The following AGBL4 variants were observed in gnomAD, a reference collection of about 807,000 sequenced individuals.
The protein encoded by AGBL4 is AGBL carboxypeptidase 4.
AGBL4 carries 58 observed loss-of-function variants against 66.4 expected under a neutral mutation model. That is an observed-to-expected ratio of 0.87 (90% CI 0.71 to 1.09). The LOEUF (loss-of-function observed/expected upper bound fraction) is 1.09. Ranked by LOEUF, AGBL4 falls within the 50% of genes least tolerant of loss-of-function variation. The pLI, the probability that AGBL4 is intolerant of heterozygous loss-of-function variation, is 0.00. For missense variants in AGBL4, 579 were observed against 631.0 expected (o/e 0.92, Z 0.88); for synonymous variants, 234 against 222.9 (o/e 1.05, Z -0.44).
chr1:48,564,157 C>T (rs1325243942), intron 11 of AGBL4, among the ~76,000 whole-genome samples: 3 of 152,110 alleles, frequency 2.0e-5, no homozygotes, highest in African/African-American at 7.2e-5. Context: ...GTTCAGGCCT[C>T]ATGGTCACTT....
chr1:49,263,161 G>C (rs1022073033), intron 3 of AGBL4, among the ~76,000 whole-genome samples: 2 of 151,718 alleles, frequency 1.3e-5, no homozygotes, highest in Non-Finnish European at 2.9e-5. Context: ...GTTGTGGGGT[G>C]GGGGGAGTGG....
intron 5 of AGBL4, among the ~76,000 whole-genome samples, chr1:49,007,836 T>C (rs1404186079): frequency 6.6e-6 from 1 of 151,804 alleles, no homozygotes; most frequent in Non-Finnish European, 1.5e-5. Context: ...CTGAGAGATT[T>C]TGTCACCACC....
chr1:49,455,699 C>A (rs760387595), intron 3 of AGBL4, among the ~76,000 whole-genome samples: 3 of 151,622 alleles, frequency 2.0e-5, no homozygotes, highest in East Asian at 1.9e-4. Context: ...AATCCACATT[C>A]CTTGCTATGG....
chr1:50,009,909 A>G (rs1391038079), intron 1 of AGBL4, among the ~76,000 whole-genome samples: 1 of 152,228 alleles, frequency 6.6e-6, no homozygotes, highest in African/African-American at 2.4e-5. Context: ...ATAGTCACAA[A>G]TGAAATTAAA....
chr1:49,390,799 A>G (rs562135517), intron 3 of AGBL4, among the ~76,000 whole-genome samples: 1 of 152,292 alleles, frequency 6.6e-6, no homozygotes, highest in South Asian at 2.1e-4. Context: ...CTTATTGTCT[A>G]TGACAGAGAC....
chr1:49,403,310 T>G (rs1415726718), intron 3 of AGBL4, among the ~76,000 whole-genome samples: 1 of 152,228 alleles, frequency 6.6e-6, no homozygotes, highest in Non-Finnish European at 1.5e-5. Context: ...TCCTCCTCTT[T>G]TTTGGCATGG....
At chr1:48,648,410 G>A (rs947382166) in intron 8 of AGBL4, among the ~76,000 whole-genome samples, 45 of 152,086 alleles carry the variant, frequency 3.0e-4, no homozygotes, top group African/African-American at 1.1e-3. Flanking sequence ...CCTCTCCCCC[G>A]CGCTTCTACT....
chr1:50,023,807 C>T lies in AGBL4; in HGVS notation c.-11G>A. 6.5e-7 allele frequency: 1 copy of T among 1,549,096 alleles called. No homozygotes were observed. On this transcript the variant is annotated 5_prime_UTR_variant, in exon 1 of 14. Transcript: ENST00000371839. ...GCTCCCCTCCGCCATTTTTGTTGTCCCTCAGTCTCCGAGCTCACGCGAAGA... is the reference window on the plus strand; with the variant it reads ...GCTCCCCTCCGCCATTTTTGTTGTCTCTCAGTCTCCGAGCTCACGCGAAGA...
intron 1 of AGBL4, among the ~76,000 whole-genome samples, chr1:49,886,882 G>T (rs1353491774): frequency 1.3e-5 from 2 of 151,976 alleles, no homozygotes; most frequent in Non-Finnish European, 2.9e-5. Context: ...ACAACATCTG[G>T]CTGGTTTTCC....
At chr1:48,526,437 A>C in the AGBL4 span, among the ~76,000 whole-genome samples, 1 of 152,212 alleles carries the variant, frequency 6.6e-6, no homozygotes, top group Non-Finnish European at 1.5e-5. Flanking sequence ...GCATCAGATC[A>C]TGGAAGACAA....
At chr1:48,823,970 G>GGT (rs3043321) in intron 6 of AGBL4, among the ~76,000 whole-genome samples, 10,712 of 150,782 alleles carry the variant, frequency 0.071, 506 homozygotes, top group East Asian at 0.17. Flanking sequence ...TGGGACAAAA[G>GGT]GTGTGTGTGT....
chr1:49,484,416 C>T (rs1023653897), intron 3 of AGBL4, among the ~76,000 whole-genome samples: 7 of 151,816 alleles, frequency 4.6e-5, no homozygotes, highest in African/African-American at 1.7e-4. Flanking sequence ...ACTATTCAGC[C>T]GTAAAAAAAG....
chr1:49,931,161 T>C (rs1477272780), intron 1 of AGBL4, among the ~76,000 whole-genome samples: 1 of 152,124 alleles, frequency 6.6e-6, no homozygotes, highest in Non-Finnish European at 1.5e-5. Context: ...CAATAGTGTA[T>C]AAATATGAAA....
intron 6 of AGBL4, among the ~76,000 whole-genome samples, chr1:48,838,158 A>G (rs1023189455): frequency 6.6e-6 from 1 of 152,092 alleles, no homozygotes; most frequent in African/African-American, 2.4e-5. Context: ...AAAAATACCA[A>G]TGAAATTCAA....
At chr1:48,631,424 TCTGTC>T (rs2148410616) in intron 9 of AGBL4, among the ~76,000 whole-genome samples, 1 of 152,304 alleles carries the variant, frequency 6.6e-6, no homozygotes, top group South Asian at 2.1e-4. Flanking sequence ...GGAGTCTTGA[TCTGTC>T]ACTCAGGCTG....
intron 3 of AGBL4, among the ~76,000 whole-genome samples, chr1:49,423,427 G>A (rs189474771): frequency 7.2e-5 from 11 of 152,264 alleles, no homozygotes; most frequent in Admixed American, 5.9e-4. Context: ...GGCATGAGAG[G>A]ACAATGGAAC....
At chr1:48,833,835 A>T (rs1191666035) in intron 6 of AGBL4, among the ~76,000 whole-genome samples, 1 of 152,166 alleles carries the variant, frequency 6.6e-6, no homozygotes, top group Non-Finnish European at 1.5e-5. Flanking sequence ...CTGTTCCTCA[A>T]AAAAGGGGAA....
intron 3 of AGBL4, among the ~76,000 whole-genome samples, chr1:49,280,111 G>A (rs879615591): frequency 1.3e-5 from 2 of 151,938 alleles, no homozygotes; most frequent in Non-Finnish European, 2.9e-5. Flanking sequence ...ACTTGGACCT[G>A]CCAGCTACTA....
chr1:49,335,774 C>A (rs1295688830), intron 3 of AGBL4, among the ~76,000 whole-genome samples: 4 of 152,162 alleles, frequency 2.6e-5, no homozygotes, highest in African/African-American at 9.7e-5. Context: ...CTTGGCCCCC[C>A]AAAATGCTGG....
Sources: allele counts gnomAD v4.1 joint callset (sites outside exome capture counted in the v4.1 genomes callset), GRCh38; gene constraint gnomAD v4.1.1; transcripts MANE v1.5; gene names NCBI Gene and HGNC (gene_info 2026-07-23, HGNC 2026-07-21).